Variants in TDRD9 observed in about 807,000 individuals in gnomAD.
The protein encoded by TDRD9 is tudor domain containing 9.
A neutral mutation model predicts 172.6 loss-of-function variants in TDRD9; 124 were observed. The ratio of observed to expected loss-of-function variants is 0.72; its 90% confidence interval spans 0.62 to 0.83. The LOEUF (loss-of-function observed/expected upper bound fraction) is 0.83. TDRD9 is among the 40% of genes least tolerant of loss of function. The pLI is 0.00. For synonymous variants in TDRD9, 619 were observed against 617.1 expected (o/e 1.00, Z -0.05); for missense variants, 1,479 against 1,714.1 (o/e 0.86, Z 2.42).
At chr14:104,038,903 C>G (rs1454283797) in intron 32 of TDRD9, among the ~76,000 whole-genome samples, 1 of 152,198 alleles carries the variant, frequency 6.6e-6, no homozygotes, top group African/African-American at 2.4e-5. Flanking sequence ...CTCTTGGCCT[C>G]AAGTGATCTG....
intron 6 of TDRD9, among the ~76,000 whole-genome samples, chr14:103,973,694 C>T (rs1214823711): frequency 6.6e-6 from 1 of 152,196 alleles, no homozygotes; most frequent in African/African-American, 2.4e-5. Flanking sequence ...TCCTTAAAAC[C>T]CAGTTTAGAG....
At chr14:103,949,849 T>C (rs2031768034) in intron 1 of TDRD9, among the ~76,000 whole-genome samples, 1 of 151,488 alleles carries the variant, frequency 6.6e-6, no homozygotes, top group Non-Finnish European at 1.5e-5. Flanking sequence ...TGCACCTGGC[T>C]AATTTTTGTA....
chr14:104,039,854 A>G (rs950423107), intron 32 of TDRD9, among the ~76,000 whole-genome samples: 3 of 152,176 alleles, frequency 2.0e-5, no homozygotes, highest in African/African-American at 4.8e-5. Context: ...AATCTCCCTA[A>G]TAAGAATTTA....
In TDRD9 at chr14:103,957,487, T is replaced by C. The variant is rs866205099; in HGVS notation, c.322+1717T>C. On this transcript the variant is annotated intron_variant, in intron 2 of 35. Transcript: ENST00000409874. Reference sequence around the variant, plus strand: ...TCTCTGGTCCAATTTCTACTTATGCTAAGAAAAGTACAAAGTTGTACGTAT... The same window carrying C: ...TCTCTGGTCCAATTTCTACTTATGCCAAGAAAAGTACAAAGTTGTACGTAT... Among the ~76,000 whole-genome samples the C allele has an allele frequency of 2.0e-5, 3 of 152,360 alleles. No individual in the cohort carries two copies. The South Asian group carries it at 6.2e-4, about 32-fold the overall frequency.
At chr14:103,932,808 GTTAAATCAGCTTAATGATTAAATCAGC>G (rs1234154860) in intron 1 of TDRD9, among the ~76,000 whole-genome samples, 7 of 152,254 alleles carry the variant, frequency 4.6e-5, no homozygotes, top group African/African-American at 1.7e-4. Context: ...AGAGAGTGTT[GTTAAATCAGCTTAATGATTAAATCAGC>G]TTAAATCAGC....
intron 1 of TDRD9, 83 bp from the exon 2 acceptor site, chr14:103,955,581 A>G (rs1478004243): frequency 3.2e-6 from 3 of 939,374 alleles, no homozygotes; most frequent in Non-Finnish European, 4.6e-6. Context: ...TTTTCCTGTG[A>G]CTTAATGTGA....
chr14:103,995,961 A>G (rs1227555493), intron 12 of TDRD9, among the ~76,000 whole-genome samples, 154 bp downstream of exon 12: 1 of 152,172 alleles, frequency 6.6e-6, no homozygotes, highest in Non-Finnish European at 1.5e-5. Context: ...AGTTTCTCCC[A>G]TACTCTCAGT....
intron 3 of TDRD9, among the ~76,000 whole-genome samples, chr14:103,964,423 T>C (rs1286741501): frequency 2.6e-5 from 4 of 152,218 alleles, no homozygotes; most frequent in African/African-American, 4.8e-5. Context: ...AATTTTACAT[T>C]TTCATTTTTA....
chr14:103,942,983 G>T (rs536945220), intron 1 of TDRD9, among the ~76,000 whole-genome samples: 29 of 150,926 alleles, frequency 1.9e-4, no homozygotes, highest in Admixed American at 1.1e-3. Flanking sequence ...AGAGGCATAA[G>T]AACATACAAA....
At chr14:103,991,105 A>G in intron 8 of TDRD9, 55 bp from the exon 9 acceptor site, 2 of 1,600,730 alleles carry the variant, frequency 1.2e-6, no homozygotes, top group Non-Finnish European at 1.7e-6. Context: ...ATTTTAGAGA[A>G]GCAATAGCTG....
At chr14:103,962,475 T>A (rs1181143074) in intron 2 of TDRD9, among the ~76,000 whole-genome samples, 1 of 152,188 alleles carries the variant, frequency 6.6e-6, no homozygotes, top group African/African-American at 2.4e-5. Flanking sequence ...CTAAGGGAAG[T>A]TTCTTAAGAA....
rs551306285 is a variant in TDRD9, at chr14:103,960,548, G to A, written c.323-2531G>A. Among the ~76,000 whole-genome samples the A allele has an allele frequency of 7.6e-4, 115 of 152,196 alleles. 2 individuals carry two copies. The South Asian group carries it at 0.013, about 17-fold the overall frequency. ...TTTGTTGATTTGCCTTAAATTATCC[G>A]TGATGGATTTCCTTCTTATTCTGTT... is the stretch of plus-strand genomic sequence containing the variant. On this transcript the variant is annotated intron_variant, in intron 2 of 35. Transcript: ENST00000409874.
intron 1 of TDRD9, chr14:103,941,286 A>ACAT: frequency 1.1e-6 from 1 of 945,162 alleles, no homozygotes; most frequent in Non-Finnish European, 1.5e-6. Context: ...TGCTCACCAG[A>ACAT]CATCTACACA....
At chr14:104,000,329 C>CAAA (rs60498436) in intron 13 of TDRD9, among the ~76,000 whole-genome samples, 5 of 127,956 alleles carry the variant, frequency 3.9e-5, no homozygotes, top group African/African-American at 1.0e-4. Context: ...AGCCCCGTCT[C>CAAA]AAAAAAAAAA....
chr14:103,952,220 A>ATT (rs61410445), intron 1 of TDRD9, among the ~76,000 whole-genome samples: 1 of 32,320 alleles, frequency 3.1e-5, no homozygotes, highest in Non-Finnish European at 5.0e-5. Flanking sequence ...ATATATATAT[A>ATT]TTTTTTTTTT....
At chr14:103,982,091 C>CCGCG (rs1459362304) in intron 7 of TDRD9, among the ~76,000 whole-genome samples, 1 of 152,174 alleles carries the variant, frequency 6.6e-6, no homozygotes, top group Non-Finnish European at 1.5e-5. Flanking sequence ...GGAGCACCAG[C>CCGCG]CGCGCCTCCT....
chr14:104,038,709 C>G (rs1295454650), intron 32 of TDRD9, among the ~76,000 whole-genome samples: 1 of 152,128 alleles, frequency 6.6e-6, no homozygotes, highest in African/African-American at 2.4e-5. Context: ...TGGAGTCTCA[C>G]TCTGTCACCC....
intron 6 of TDRD9, among the ~76,000 whole-genome samples, chr14:103,974,543 A>G (rs185464661): frequency 1.1e-4 from 16 of 152,294 alleles, no homozygotes; most frequent in Non-Finnish European, 1.6e-4. Flanking sequence ...CAGTTTCTTG[A>G]GTTGGAGCTA....
At position 104,039,885 on chromosome 14, in the gene TDRD9, G is replaced by T. The variant is rs551619916; in HGVS notation, c.3717-311G>T. Reference sequence around the variant, plus strand: ...ATTTAACCCATGGAAAGAATTCGAAGGCAAGGGAAAAAAAAACCCATTCAT... The same window carrying T: ...ATTTAACCCATGGAAAGAATTCGAATGCAAGGGAAAAAAAAACCCATTCAT... On this transcript the variant is annotated intron_variant, in intron 32 of 35. Coordinates refer to ENST00000409874, the MANE Select transcript of TDRD9 (RefSeq NM_153046.3). 1.8e-4 allele frequency among the ~76,000 whole-genome samples: 28 copies of T among 151,446 alleles called. No homozygotes were observed. In the South Asian group the frequency reaches 5.8e-3, roughly 32 times the overall value.
Sources: gnomAD v4.1 joint callset for allele counts (sites outside exome capture counted in the v4.1 genomes callset) on GRCh38, gnomAD v4.1.1 for gene constraint, MANE v1.5 for transcripts, NCBI Gene and HGNC (gene_info 2026-07-23, HGNC 2026-07-21) for gene names.